PGAP2: variants seen among roughly 807,000 people sequenced by gnomAD.
PGAP2 encodes the protein acyltransferase PGAP2.
In PGAP2, 21 loss-of-function variants were observed where a neutral mutation model predicts 33.2. The ratio of observed to expected loss-of-function variants is 0.63; its 90% confidence interval spans 0.45 to 0.91. PGAP2 has a LOEUF of 0.91. PGAP2 is among the 40% of genes least tolerant of loss of function. The pLI is 0.00. For missense variants in PGAP2, 345 were observed against 424.0 expected, an observed-to-expected ratio of 0.81 and a Z score of 1.64; for synonymous variants, 161 against 172.9, an observed-to-expected ratio of 0.93 and a Z score of 0.54.
upstream of PGAP2, among the ~76,000 whole-genome samples, chr11:3,806,417 A>G (rs948085508): frequency 1.6e-4 from 24 of 152,126 alleles, no homozygotes; most frequent in African/African-American, 5.3e-4. Context: ...TAGTTTTTAG[A>G]ACAAGACACT....
chr11:3,817,610 A>G (rs1316795813), intron 3 of PGAP2, 75 bp downstream of exon 3: 2 of 1,222,320 alleles, frequency 1.6e-6, no homozygotes, highest in Non-Finnish European at 2.4e-6. Flanking sequence ...TAGATAGTGG[A>G]GAGGAAGTGG....
At chr11:3,819,224 A>C (rs1590338764) in intron 3 of PGAP2, among the ~76,000 whole-genome samples, 1 of 151,856 alleles carries the variant, frequency 6.6e-6, no homozygotes, top group African/African-American at 2.4e-5. Flanking sequence ...GCTAATTCTT[A>C]TATTTTTTTT....
intron 1 of PGAP2, among the ~76,000 whole-genome samples, chr11:3,800,337 G>A (rs532974629): frequency 3.1e-4 from 47 of 152,092 alleles, no homozygotes; most frequent in Non-Finnish European, 6.3e-4. Flanking sequence ...CCTAAGGCAG[G>A]GCACATAGTA....
rs371427653 is a variant in PGAP2, at chr11:3,811,981, G to A, written c.165+557G>A. ...TGTATATAATGGGTTTGAGTGGGTCGTGTGTGAGAGAGACTATATCTGTGC... is the reference window on the plus strand; with the variant it reads ...TGTATATAATGGGTTTGAGTGGGTCATGTGTGAGAGAGACTATATCTGTGC... On this transcript the variant is annotated intron_variant, in intron 2 of 6. Transcript: ENST00000278243. The surrounding 1 kb of genome is among the most constrained non-coding windows in gnomAD (Gnocchi z 4.6). Among the ~76,000 whole-genome samples the A allele has an allele frequency of 2.0e-5, 3 of 152,118 alleles. No homozygotes were observed. Among genetic ancestry groups the A allele is most frequent in the Non-Finnish European group, 4.4e-5 (3 of 68,022 alleles).
At chr11:3,814,856 TTC>T (rs2086628406) in intron 2 of PGAP2, among the ~76,000 whole-genome samples, 2 of 150,844 alleles carry the variant, frequency 1.3e-5, no homozygotes, top group African/African-American at 4.9e-5. Flanking sequence ...CTTTCCTTCT[TTC>T]TTTCTTTTCT....
chr11:3,803,079 C>T (rs566179130), intron 1 of PGAP2, among the ~76,000 whole-genome samples: 305 of 151,492 alleles, frequency 2.0e-3, no homozygotes, highest in African/African-American at 6.4e-3. Context: ...CTGCAACCTC[C>T]GCCTCCTGGG....
Position 3,825,587 on chromosome 11 carries a change from G to A in PGAP2, c.*129G>A. On this transcript the variant is annotated 3_prime_UTR_variant, in exon 7 of 7. Coordinates refer to ENST00000278243, the MANE Select transcript of PGAP2 (RefSeq NM_014489.4). ...AGATGGGGGAAGGGTAAGAAGGAAG[G>A]GTGTAGGCCAAGGCTCACCCCAGTG... 9.7e-7 allele frequency: 1 copy of A among 1,028,666 alleles called. No homozygotes were observed. The highest frequency in any genetic ancestry group is 1.6e-5 in the South Asian group (1 of 61,418). The allele number at this position is 1,028,666 out of a possible 1,614,324, so 63.7% of individuals were successfully genotyped here.
intron 1 of PGAP2, chr11:3,798,156 C>T: frequency 7.1e-7 from 1 of 1,417,550 alleles, no homozygotes; most frequent in Non-Finnish European, 9.2e-7. Context: ...AATCCTGACC[C>T]TATTCTCTCC....
intron 5 of PGAP2, chr11:3,824,587 G>A (rs367951474): frequency 6.6e-6 from 5 of 760,464 alleles, no homozygotes; most frequent in African/African-American, 5.2e-5. Flanking sequence ...TAGTGTGGGA[G>A]ACTGGAGAAT....
At chr11:3,819,202 C>A (rs1392569499) in intron 3 of PGAP2, among the ~76,000 whole-genome samples, 2 of 152,098 alleles carry the variant, frequency 1.3e-5, no homozygotes, top group African/African-American at 4.8e-5. Flanking sequence ...CAGGTGCATG[C>A]CACCATGCCT....
chr11:3,824,172 C>T (rs758768866), intron 4 of PGAP2, 37 bp downstream of exon 4: 3 of 1,613,196 alleles, frequency 1.9e-6, no homozygotes, highest in Non-Finnish European at 2.5e-6. Context: ...GGGAAGTGTT[C>T]CCTGAGGGGA....
intron 3 of PGAP2, among the ~76,000 whole-genome samples, chr11:3,818,304 T>C (rs185549796): frequency 7.0e-6 from 1 of 143,544 alleles, no homozygotes; most frequent in African/African-American, 2.6e-5. Context: ...GAGGCAGAGG[T>C]TGCAGTGAGC....
chr11:3,824,893 T>C, intron 5 of PGAP2, 127 bp from the exon 6 acceptor site: 1 of 1,498,486 alleles, frequency 6.7e-7, no homozygotes, highest in South Asian at 1.4e-5. Context: ...CTGCCTGTGC[T>C]CCCTTCCATG....
In PGAP2 at chr11:3,825,660, A is replaced by C; in HGVS notation, c.*202A>C. 1 of 461,624 alleles carries C rather than the reference A, an allele frequency of 2.2e-6. No individual in the cohort carries two copies. 28.6% of individuals were successfully genotyped at this position (461,624 alleles called of 1,614,324 possible). ...CCTCATATGGGCGTGGGGTCCTCAA[A>C]CATCACCTTTACCTGAGAGGCCCCA... On this transcript the variant is annotated 3_prime_UTR_variant, in exon 7 of 7. Coordinates refer to ENST00000278243, the MANE Select transcript of PGAP2 (RefSeq NM_014489.4).
At position 3,824,129 on chromosome 11, in the gene PGAP2, G is replaced by A; in HGVS notation, c.595G>A (p.Asp199Asn). 1.2e-6 allele frequency: 2 copies of A among 1,614,026 alleles called. No homozygotes were observed. Among genetic ancestry groups the A allele is most frequent in the Non-Finnish European group, 8.5e-7 (1 of 1,179,946 alleles). Residue 199 changes from aspartate to asparagine, a missense_variant, in exon 4 of 7, where the codon GAC becomes AAC. Asp to Asn is a conservative substitution (Grantham distance 23). Around this residue, in one of 2 missense-constraint regions of PGAP2, gnomAD observed 311 missense variants for 353.6 expected, o/e 0.88. Transcript: ENST00000278243. ...GCTCACTTATGTCTCCTCCTCCGAG[G>A]ACTTCAGTGGGTGCCTGGATGAGGG... ...LVLTYVSSSE[D>N]FTIHENAFIV... is the part of the protein sequence containing the mutation.
upstream of PGAP2, chr11:3,808,501 G>T: frequency 7.1e-7 from 1 of 1,404,268 alleles, no homozygotes; most frequent in Non-Finnish European, 9.3e-7. Context: ...GCCAGCGGAG[G>T]ATCTGGGCGC....
At position 3,824,412 on chromosome 11, in the gene PGAP2, C is replaced by A; in HGVS notation, c.708+36C>A. On this transcript the variant is annotated intron_variant, in intron 5 of 6. Transcript: ENST00000278243. ...TCCCTAGCGGGGGCTCCAAGGCAGCCCAGAAGAAAATCAAGGACATCTGTC... is the reference window on the plus strand; with the variant it reads ...TCCCTAGCGGGGGCTCCAAGGCAGCACAGAAGAAAATCAAGGACATCTGTC... 6 of 1,614,076 alleles carry A rather than the reference C, an allele frequency of 3.7e-6. No individual in the cohort carries two copies. The highest frequency in any genetic ancestry group is 5.1e-6 in the Non-Finnish European group (6 of 1,179,960).
Position 3,823,930 on chromosome 11 carries a change from G to A in PGAP2, c.396G>A (p.Val132=), listed in dbSNP as rs2089482731. 3 of 1,603,566 alleles carry A rather than the reference G, an allele frequency of 1.9e-6. No individual in the cohort carries two copies. The highest frequency in any genetic ancestry group is 2.5e-6 in the Non-Finnish European group (3 of 1,179,902). ...PSVSSAIGGE[V]PQRYVWRFCI... ...TGAGCTCAGCCATCGGCGGGGAGGTGCCCCAGCGCTACGTGTGGCGTTTCT... is the reference window on the plus strand; with the variant it reads ...TGAGCTCAGCCATCGGCGGGGAGGTACCCCAGCGCTACGTGTGGCGTTTCT... Residue 132 remains valine (V), a synonymous_variant, in exon 4 of 7, where the codon GTG becomes GTA. Transcript: ENST00000278243.
At chr11:3,823,279 A>G (rs1253444536) in intron 3 of PGAP2, among the ~76,000 whole-genome samples, 1 of 151,036 alleles carries the variant, frequency 6.6e-6, no homozygotes, top group Non-Finnish European at 1.5e-5. Context: ...CGGGTGATCC[A>G]CCCACCTCGG....
Sources: gnomAD v4.1 joint callset for allele counts (sites outside exome capture counted in the v4.1 genomes callset) on GRCh38, gnomAD v4.1.1 for gene constraint, gnomAD v4.1.1 regional missense constraint, Gnocchi (gnomAD v3.1) non-coding constraint, MANE v1.5 for transcripts, NCBI Gene and HGNC (gene_info 2026-07-23, HGNC 2026-07-21) for gene names.